The following MGMT variants were observed in gnomAD, a reference collection of about 807,000 sequenced individuals.
MGMT encodes the protein O-6-methylguanine-DNA methyltransferase, also known as methylated-DNA--protein-cysteine methyltransferase.
A neutral mutation model predicts 15.9 loss-of-function variants in MGMT; 14 were observed. The observed-to-expected ratio is 0.88, with a 90% CI of 0.58 to 1.37. The LOEUF is 1.37. Ranked by LOEUF, MGMT falls within the 40% of genes most tolerant of loss-of-function variation. The pLI is 0.00. For synonymous variants in MGMT, 130 were observed against 118.2 expected, an observed-to-expected ratio of 1.10 and a Z score of -0.65; for missense variants, 282 against 268.1, an observed-to-expected ratio of 1.05 and a Z score of -0.36.
intron 2 of MGMT, among the ~76,000 whole-genome samples, chr10:129,649,000 G>A (rs142078574): frequency 4.9e-4 from 75 of 152,286 alleles, no homozygotes; most frequent in African/African-American, 1.8e-3. Context: ...TCATGCTTGC[G>A]AGCTTTCCAT....
intron 2 of MGMT, among the ~76,000 whole-genome samples, chr10:129,605,446 C>T (rs753319536): frequency 5.3e-5 from 8 of 152,050 alleles, no homozygotes; most frequent in South Asian, 2.1e-4. Context: ...TTCTGACTTC[C>T]GTGTGCTCCC....
intron 2 of MGMT, among the ~76,000 whole-genome samples, chr10:129,658,503 T>C (rs577840902): frequency 2.6e-5 from 4 of 152,324 alleles, no homozygotes; most frequent in African/African-American, 9.6e-5. Context: ...CCCAACATTT[T>C]GAAATCTTGC....
At chr10:129,485,354 C>T (rs999636454) in intron 1 of MGMT, among the ~76,000 whole-genome samples, 3 of 152,152 alleles carry the variant, frequency 2.0e-5, no homozygotes, top group Non-Finnish European at 2.9e-5. Flanking sequence ...GCCAGATGAC[C>T]CTCCTCCTCC....
At chr10:129,479,349 C>T (rs1564829813) in intron 1 of MGMT, among the ~76,000 whole-genome samples, 1 of 151,402 alleles carries the variant, frequency 6.6e-6, no homozygotes, top group East Asian at 2.0e-4. Context: ...CCCAATTGTA[C>T]AGTTACCATG....
intron 3 of MGMT, among the ~76,000 whole-genome samples, chr10:129,738,637 C>G (rs1848594434): frequency 6.6e-6 from 1 of 152,178 alleles, no homozygotes; most frequent in African/African-American, 2.4e-5. Context: ...GGTTCCAAGT[C>G]TTTGCTATTG....
At chr10:129,718,177 C>T (rs532960610) in intron 3 of MGMT, among the ~76,000 whole-genome samples, 1 of 152,344 alleles carries the variant, frequency 6.6e-6, no homozygotes, top group East Asian at 1.9e-4. Flanking sequence ...ATATGATTTA[C>T]ACGACCAGAG....
intron 1 of MGMT, among the ~76,000 whole-genome samples, chr10:129,476,456 T>C (rs1589827499): frequency 6.6e-6 from 1 of 152,112 alleles, no homozygotes; most frequent in African/African-American, 2.4e-5. Context: ...CTTGGAAAGG[T>C]AGAAGGCTCT....
chr10:129,679,731 G>A (rs1394939301), intron 2 of MGMT, among the ~76,000 whole-genome samples: 1 of 152,098 alleles, frequency 6.6e-6, no homozygotes, highest in African/African-American at 2.4e-5. Context: ...AGGACTTACA[G>A]CCATCTTATC....
chr10:129,514,099 A>C (rs1845712803), intron 1 of MGMT, among the ~76,000 whole-genome samples: 1 of 152,248 alleles, frequency 6.6e-6, no homozygotes, highest in Admixed American at 6.5e-5. Flanking sequence ...TGTTTGAAGA[A>C]TTCATTCTGC....
intron 2 of MGMT, among the ~76,000 whole-genome samples, chr10:129,692,983 G>A (rs1847986706): frequency 6.6e-6 from 1 of 152,206 alleles, no homozygotes; most frequent in East Asian, 1.9e-4. Flanking sequence ...AGCCCAGCAG[G>A]GCAAGGAATA....
intron 3 of MGMT, among the ~76,000 whole-genome samples, chr10:129,745,498 A>C (rs1213781176): frequency 6.6e-6 from 1 of 152,214 alleles, no homozygotes. Context: ...ATCAGACAGT[A>C]TTTAACCTTT....
intron 1 of MGMT, among the ~76,000 whole-genome samples, chr10:129,508,704 C>T (rs547515508): frequency 6.6e-6 from 1 of 152,068 alleles, no homozygotes; most frequent in East Asian, 1.9e-4. Context: ...TGCCACATGC[C>T]CGGCTGACTT....
intron 2 of MGMT, among the ~76,000 whole-genome samples, chr10:129,688,326 AT>A (rs1168016125): frequency 6.6e-6 from 1 of 152,126 alleles, no homozygotes; most frequent in Non-Finnish European, 1.5e-5. Flanking sequence ...AAGTGTTCCT[AT>A]TTCTCCACAT....
At chr10:129,698,488 A>G (rs1010262725) in intron 2 of MGMT, among the ~76,000 whole-genome samples, 1 of 152,220 alleles carries the variant, frequency 6.6e-6, no homozygotes, top group African/African-American at 2.4e-5. Context: ...TTAAAAGTTT[A>G]TATCTTTACA....
At chr10:129,508,285 C>T (rs760632023) in intron 1 of MGMT, among the ~76,000 whole-genome samples, 16 of 152,054 alleles carry the variant, frequency 1.1e-4, no homozygotes, top group Non-Finnish European at 1.5e-4. Context: ...CCTGGTGATA[C>T]GTGGCAGGTC....
intron 2 of MGMT, among the ~76,000 whole-genome samples, chr10:129,615,990 G>C (rs893687292): frequency 6.6e-6 from 1 of 152,150 alleles, no homozygotes; most frequent in Non-Finnish European, 1.5e-5. Flanking sequence ...TGCAGATGGG[G>C]GTGGGGTGGG....
chr10:129,574,384 T>C (rs1487400327), intron 2 of MGMT, among the ~76,000 whole-genome samples: 1 of 152,238 alleles, frequency 6.6e-6, no homozygotes, highest in Non-Finnish European at 1.5e-5. Context: ...TTCCAGTTCA[T>C]ACCAAGCTCA....
intron 2 of MGMT, among the ~76,000 whole-genome samples, chr10:129,671,979 A>G (rs1847729837): frequency 6.6e-6 from 1 of 152,246 alleles, no homozygotes; most frequent in Admixed American, 6.5e-5. Flanking sequence ...TGTAAATTGT[A>G]TACTTCACAT....
At chr10:129,733,759 G>A (rs2133164964) in intron 3 of MGMT, among the ~76,000 whole-genome samples, 1 of 152,220 alleles carries the variant, frequency 6.6e-6, no homozygotes, top group African/African-American at 2.4e-5. Flanking sequence ...AAGGGATCCA[G>A]TTTCAACTTT....
Sources: allele counts gnomAD v4.1 joint callset (sites outside exome capture counted in the v4.1 genomes callset), GRCh38; gene constraint gnomAD v4.1.1; transcripts MANE v1.5; gene names NCBI Gene and HGNC (gene_info 2026-07-23, HGNC 2026-07-21).